The following ADGRB3 variants were observed in gnomAD, a reference collection of about 807,000 sequenced individuals.
The protein encoded by ADGRB3 is brain-specific angiogenesis inhibitor 3.
ADGRB3 carries 37 observed loss-of-function variants against 193.4 expected under a neutral mutation model. The ratio of observed to expected loss-of-function variants is 0.19; its 90% CI spans 0.15 to 0.25. The LOEUF (loss-of-function observed/expected upper bound fraction) is 0.25, where lower values mean the gene tolerates loss of function less well. Ranked by LOEUF, ADGRB3 falls within the 10% of genes least tolerant of loss-of-function variation. The pLI is 1.00. For synonymous variants in ADGRB3, 690 were observed against 644.2 expected, an observed-to-expected ratio of 1.07 and a Z score of -1.08; for missense variants, 1,637 against 1,852.9, an observed-to-expected ratio of 0.88 and a Z score of 2.14.
intron 17 of ADGRB3, among the ~76,000 whole-genome samples, chr6:69,100,978 G>C (rs1476704097): frequency 7.2e-6 from 1 of 138,440 alleles, no homozygotes; most frequent in Non-Finnish European, 1.6e-5. Flanking sequence ...AGGGAAGGAA[G>C]GAAGGAAGGA....
chr6:68,959,249 A>G (rs1582349680), intron 8 of ADGRB3, among the ~76,000 whole-genome samples: 1 of 152,262 alleles, frequency 6.6e-6, no homozygotes, highest in South Asian at 2.1e-4. Flanking sequence ...TCCTAATTTC[A>G]GCCATTATAT....
intron 20 of ADGRB3, among the ~76,000 whole-genome samples, chr6:69,276,158 C>G (rs1252193139): frequency 6.6e-6 from 1 of 152,142 alleles, no homozygotes; most frequent in African/African-American, 2.4e-5. Context: ...AGAGGATTCT[C>G]CTGGAATTCT....
At position 69,324,986 on chromosome 6, in the gene ADGRB3, C is replaced by T. The variant is rs1768536677; in HGVS notation, c.2929C>T (p.Arg977Trp). The stretch of plus-strand genomic sequence containing the variant: ...GGCTGTAACTGGAAAAATTAGGACA[C>T]GGCTTATAAGAAAACGCTTTTTGTG... ...YMAVTGKIRT[R>W]LIRKRFLCLG... is the part of the protein sequence containing the mutation. The change falls in exon 21 of 32, where the codon CGG (arginine) becomes TGG (tryptophan). Residue 977 changes from arginine to tryptophan, a missense_variant. By Grantham distance (101) the Arg-to-Trp change is moderately radical. Around this residue, in one of 7 missense-constraint regions of ADGRB3, gnomAD observed 87 missense variants for 161.0 expected, o/e 0.54. Transcript: ENST00000370598. 7 of 1,613,620 alleles carry T rather than the reference C, an allele frequency of 4.3e-6. No homozygotes were observed. Among genetic ancestry groups the T allele is most frequent in the Non-Finnish European group, 5.9e-6 (7 of 1,179,812 alleles).
At chr6:68,906,875 A>T (rs1010219813) in intron 3 of ADGRB3, among the ~76,000 whole-genome samples, 4 of 151,996 alleles carry the variant, frequency 2.6e-5, no homozygotes. Context: ...AATGTACTAG[A>T]AGCTTTCGAC....
At chr6:68,934,590 A>G (rs544877089) in intron 4 of ADGRB3, among the ~76,000 whole-genome samples, 5 of 152,280 alleles carry the variant, frequency 3.3e-5, no homozygotes, top group East Asian at 3.9e-4. Context: ...AATTAATAAC[A>G]TGCAACCATA....
At chr6:69,115,832 A>G (rs920558653) in intron 17 of ADGRB3, among the ~76,000 whole-genome samples, 1 of 152,218 alleles carries the variant, frequency 6.6e-6, no homozygotes, top group Non-Finnish European at 1.5e-5. Flanking sequence ...CATGGCTGGC[A>G]TATGAGTTAA....
At chr6:69,107,081 CA>C (rs56776740) in intron 17 of ADGRB3, among the ~76,000 whole-genome samples, 4 of 151,552 alleles carry the variant, frequency 2.6e-5, no homozygotes, top group Admixed American at 6.6e-5. Flanking sequence ...AACTATCTTC[CA>C]AAAAAAAGTC....
intron 3 of ADGRB3, among the ~76,000 whole-genome samples, chr6:68,741,599 G>T (rs1388985247): frequency 6.6e-6 from 1 of 152,064 alleles, no homozygotes; most frequent in Non-Finnish European, 1.5e-5. Flanking sequence ...TATTGCCCAC[G>T]CTGGTCTTAA....
intron 20 of ADGRB3, among the ~76,000 whole-genome samples, chr6:69,251,823 G>A (rs1766629281): frequency 1.3e-5 from 2 of 151,992 alleles, no homozygotes; most frequent in Admixed American, 1.3e-4. Flanking sequence ...TTTCAAATAT[G>A]CAATGCATTA....
rs76231827 is a variant in ADGRB3, at chr6:69,007,050, G to C, written c.1930-6988G>C. Reference sequence around the variant, plus strand: ...TTCTTAGCTATGTTGTTGATCCCTCGTACTCAATTTGAACAAAACAAAGTT... The same window carrying C: ...TTCTTAGCTATGTTGTTGATCCCTCCTACTCAATTTGAACAAAACAAAGTT... On this transcript the variant is annotated intron_variant, in intron 11 of 31. Coordinates refer to ENST00000370598, the MANE Select transcript of ADGRB3 (RefSeq NM_001704.3). Among the ~76,000 whole-genome samples, 373 of 151,948 alleles carry C rather than the reference G, an allele frequency of 2.5e-3. 14 individuals are homozygous for C. In the East Asian group the frequency reaches 0.058, roughly 24 times the overall value.
intron 17 of ADGRB3, among the ~76,000 whole-genome samples, chr6:69,087,435 G>A (rs936061788): frequency 6.6e-6 from 1 of 152,102 alleles, no homozygotes; most frequent in African/African-American, 2.4e-5. Context: ...GTGTTATGAG[G>A]GAGGGGGACA....
At chr6:68,769,286 A>T (rs1214972446) in intron 3 of ADGRB3, among the ~76,000 whole-genome samples, 1 of 152,220 alleles carries the variant, frequency 6.6e-6, no homozygotes, top group Non-Finnish European at 1.5e-5. Flanking sequence ...GTTGGAACCA[A>T]CCCAAATGCC....
intron 20 of ADGRB3, among the ~76,000 whole-genome samples, chr6:69,280,794 A>G (rs576210554): frequency 1.3e-5 from 2 of 152,230 alleles, no homozygotes; most frequent in African/African-American, 4.8e-5. Flanking sequence ...TAAACAGTAA[A>G]CACCTCAGGC....
intron 15 of ADGRB3, among the ~76,000 whole-genome samples, chr6:69,061,859 G>A (rs1037983440): frequency 1.6e-5 from 1 of 63,602 alleles, no homozygotes; most frequent in African/African-American, 3.7e-5. Context: ...AAACTGTTTA[G>A]GGTAAGGGAT....
At chr6:68,703,684 G>A (rs1011216412) in intron 3 of ADGRB3, among the ~76,000 whole-genome samples, 16 of 152,148 alleles carry the variant, frequency 1.1e-4, no homozygotes, top group African/African-American at 2.2e-4. Flanking sequence ...GTGCAGTGGC[G>A]CAATCTCAGC....
Position 69,239,143 on chromosome 6 carries a change from T to G in ADGRB3, c.2731T>G (p.Ser911Ala). 1 of 1,600,606 alleles carries G rather than the reference T, an allele frequency of 6.2e-7. No homozygotes were observed. Residue 911 changes from serine to alanine, a missense_variant, in exon 20 of 32, where the codon TCC becomes GCC. Transcript: ENST00000370598. ...ALWRYIRSER[S>A]IILINFCLSI... The stretch of plus-strand genomic sequence containing the variant: ...GGCTAGGTACATACGCTCTGAGAGA[T>G]CCATAATACTAATTAACTTCTGCCT...
At chr6:68,774,815 T>A (rs925212067) in intron 3 of ADGRB3, among the ~76,000 whole-genome samples, 2 of 152,038 alleles carry the variant, frequency 1.3e-5, no homozygotes, top group African/African-American at 4.8e-5. Flanking sequence ...ACAGTAAGAT[T>A]CTATCAATAA....
intron 3 of ADGRB3, among the ~76,000 whole-genome samples, chr6:68,723,532 A>T (rs1274506319): frequency 6.6e-6 from 1 of 151,748 alleles, no homozygotes; most frequent in Admixed American, 6.6e-5. Flanking sequence ...CACATAAAAA[A>T]TTGTGTTAAT....
At chr6:68,994,708 G>A (rs945426904) in intron 11 of ADGRB3, among the ~76,000 whole-genome samples, 1 of 152,106 alleles carries the variant, frequency 6.6e-6, no homozygotes, top group Non-Finnish European at 1.5e-5. Flanking sequence ...AGACTGCTGA[G>A]TTCATTTCTG....
Sources: gnomAD v4.1 joint callset for allele counts (sites outside exome capture counted in the v4.1 genomes callset) on GRCh38, gnomAD v4.1.1 for gene constraint, gnomAD v4.1.1 regional missense constraint, MANE v1.5 for transcripts, NCBI Gene and HGNC (gene_info 2026-07-23, HGNC 2026-07-21) for gene names.